Variants in PGAP4 observed in about 807,000 individuals in gnomAD.
The protein encoded by PGAP4 is post-GPI attachment to proteins GalNAc transferase 4.
Under a neutral mutation model 28.2 loss-of-function variants are expected in PGAP4, and 12 were observed. The observed-to-expected ratio is 0.42, with a 90% CI of 0.27 to 0.69. The LOEUF is 0.69. Ranked by LOEUF, PGAP4 falls within the 30% of genes least tolerant of loss-of-function variation. The pLI is 0.22. For synonymous variants in PGAP4, 205 were observed against 211.8 expected (o/e 0.97, Z 0.28); for missense variants, 425 against 513.5 (o/e 0.83, Z 1.67).
At chr9:101,511,610 A>G (rs533102702) in intron 2 of PGAP4, among the ~76,000 whole-genome samples, 1 of 152,266 alleles carries the variant, frequency 6.6e-6, no homozygotes, top group Non-Finnish European at 1.5e-5. Flanking sequence ...ACATTTCTTT[A>G]TCCATAATGG....
In PGAP4 at chr9:101,527,916, T is replaced by C. The variant is rs1299713154; in HGVS notation, c.-165+3432A>G. On this transcript the variant is annotated intron_variant, in intron 2 of 3. Coordinates refer to the PGAP4 transcript ENST00000374851. ...TCCATCTCATCATCTTGACTGCCCATTGGGAAAGACGCTCAATCTCTACCC... is the reference window on the plus strand; with the variant it reads ...TCCATCTCATCATCTTGACTGCCCACTGGGAAAGACGCTCAATCTCTACCC... Among the ~76,000 whole-genome samples the C allele has an allele frequency of 2.0e-5, 3 of 152,146 alleles. No individual in the cohort carries two copies. The East Asian group carries it at 5.8e-4, about 29-fold the overall frequency.
At chr9:101,479,659 A>G (rs1826425957) in intron 1 of PGAP4, among the ~76,000 whole-genome samples, 1 of 152,210 alleles carries the variant, frequency 6.6e-6, no homozygotes. Flanking sequence ...GGTTCAGAGG[A>G]CACATGGTCC....
intron 2 of PGAP4, among the ~76,000 whole-genome samples, chr9:101,521,653 G>T (rs1247846415): frequency 6.6e-6 from 1 of 151,988 alleles, no homozygotes; most frequent in East Asian, 1.9e-4. Flanking sequence ...ATCTTTCAAA[G>T]AACTAGCTTT....
chr9:101,506,840 T>C (rs1311400924), intron 2 of PGAP4, among the ~76,000 whole-genome samples: 1 of 152,110 alleles, frequency 6.6e-6, no homozygotes, highest in African/African-American at 2.4e-5. Flanking sequence ...AATTATATCA[T>C]GTACCAATCC....
At chr9:101,490,699 A>G (rs994564550), upstream of PGAP4, among the ~76,000 whole-genome samples, 15 of 152,238 alleles carry the variant, frequency 9.9e-5, no homozygotes, top group African/African-American at 3.6e-4. Flanking sequence ...TTAAGGCTAT[A>G]TAGTGGTGCC....
intron 2 of PGAP4, among the ~76,000 whole-genome samples, chr9:101,510,256 A>G (rs186507316): frequency 6.6e-6 from 1 of 152,314 alleles, no homozygotes; most frequent in Admixed American, 6.5e-5. Flanking sequence ...GGCAGGATCA[A>G]TTCTTCACCA....
chr9:101,497,062 C>T (rs970049590), intron 2 of PGAP4, among the ~76,000 whole-genome samples: 1 of 150,646 alleles, frequency 6.6e-6, no homozygotes, highest in African/African-American at 2.4e-5. Flanking sequence ...AATAATCTAT[C>T]TCATTTATAG....
intron 1 of PGAP4, among the ~76,000 whole-genome samples, chr9:101,484,642 C>T (rs1178575264): frequency 3.3e-5 from 5 of 152,150 alleles, no homozygotes; most frequent in Non-Finnish European, 7.4e-5. Context: ...CTCTTCTCTG[C>T]TTTCTCACAT....
At chr9:101,477,824 A>G (rs1826370285) in intron 1 of PGAP4, among the ~76,000 whole-genome samples, 1 of 152,228 alleles carries the variant, frequency 6.6e-6, no homozygotes, top group South Asian at 2.1e-4. Context: ...AATGAGAGGA[A>G]GTATTTCCCA....
rs866126882 is a variant in PGAP4 at position 101,523,640 on chromosome 9, T to A, written c.-165+7708A>T. On this transcript the variant is annotated intron_variant, in intron 2 of 3. Coordinates refer to the PGAP4 transcript ENST00000374851. ...GTATCTTTTTTTTTTTTTTTTTTTT[T>A]TTTTTTTTTTTTGGATTTCCTTGCA... Among the ~76,000 whole-genome samples the A allele has an allele frequency of 3.4e-3, 410 of 120,916 alleles. 15 individuals are homozygous for A. Among genetic ancestry groups the A allele is most frequent in the African/African-American group, 0.012 (364 of 31,212 alleles). 79.3% of individuals were successfully genotyped at this position (120,916 alleles called of 152,430 possible). A position where few individuals can be genotyped will look rare whatever the true frequency, so the allele number is the denominator to read the frequency against.
chr9:101,493,004 C>T (rs1588203756), intron 2 of PGAP4, among the ~76,000 whole-genome samples: 1 of 151,878 alleles, frequency 6.6e-6, no homozygotes, highest in East Asian at 1.9e-4. Context: ...CCTGTAATCC[C>T]AGCACTTTGG....
chr9:101,517,508 A>G (rs904781513), intron 2 of PGAP4, among the ~76,000 whole-genome samples: 2 of 152,146 alleles, frequency 1.3e-5, no homozygotes, highest in Non-Finnish European at 2.9e-5. Context: ...TCAAGTTTTA[A>G]AAACGCAAAG....
At chr9:101,494,220 T>A (rs1260316031) in intron 2 of PGAP4, among the ~76,000 whole-genome samples, 1 of 151,934 alleles carries the variant, frequency 6.6e-6, no homozygotes, top group African/African-American at 2.4e-5. Flanking sequence ...AAAGCCTTGT[T>A]AATATAACCA....
intron 2 of PGAP4, among the ~76,000 whole-genome samples, chr9:101,523,561 G>T (rs1000686955): frequency 7.1e-5 from 9 of 127,290 alleles, no homozygotes; most frequent in Admixed American, 4.1e-4. Context: ...ATTTTTCATT[G>T]TTTTTTTTTC....
intron 2 of PGAP4, among the ~76,000 whole-genome samples, chr9:101,526,552 T>G (rs1216327959): frequency 6.6e-6 from 1 of 152,160 alleles, no homozygotes; most frequent in Non-Finnish European, 1.5e-5. Flanking sequence ...TGGGTTCAAG[T>G]GATTCTCCTG....
chr9:101,513,563 A>T (rs766997200), intron 2 of PGAP4, among the ~76,000 whole-genome samples: 1 of 152,132 alleles, frequency 6.6e-6, no homozygotes, highest in Non-Finnish European at 1.5e-5. Context: ...ATGCCACTCT[A>T]TTGATTGAGG....
chr9:101,518,528 T>C (rs1323423216), intron 2 of PGAP4, among the ~76,000 whole-genome samples: 2 of 152,176 alleles, frequency 1.3e-5, no homozygotes, highest in African/African-American at 2.4e-5. Flanking sequence ...AATGTTCTCA[T>C]ATGATGAGAA....
intron 2 of PGAP4, among the ~76,000 whole-genome samples, chr9:101,515,048 T>G (rs144192988): frequency 2.6e-5 from 4 of 152,342 alleles, no homozygotes; most frequent in African/African-American, 9.6e-5. Context: ...ATGTTAGTTT[T>G]CTACTGCTGT....
At chr9:101,505,614 G>T (rs1280454571) in intron 2 of PGAP4, among the ~76,000 whole-genome samples, 3 of 152,022 alleles carry the variant, frequency 2.0e-5, no homozygotes, top group African/African-American at 2.4e-5. Context: ...AACCATCTGA[G>T]AATTCAGGAG....
Sources: gnomAD v4.1 joint callset for allele counts (sites outside exome capture counted in the v4.1 genomes callset) on GRCh38, gnomAD v4.1.1 for gene constraint, MANE v1.5 for transcripts, NCBI Gene and HGNC (gene_info 2026-07-23, HGNC 2026-07-21) for gene names.